ABCB8: variants seen among roughly 807,000 people sequenced by gnomAD.
ABCB8 encodes mitochondrial potassium channel ATP-binding subunit.
In ABCB8, 52 loss-of-function variants were observed where a neutral mutation model predicts 73.0. The observed-to-expected ratio is 0.71, with a 90% confidence interval of 0.57 to 0.90. ABCB8 has a LOEUF of 0.90. Ranked by LOEUF, ABCB8 falls within the 40% of genes least tolerant of loss-of-function variation. ABCB8 has a pLI of 0.00. For missense variants in ABCB8, 909 were observed against 974.6 expected (o/e 0.93, Z 0.90); for synonymous variants, 428 against 423.5 (o/e 1.01, Z -0.13).
At chr7:151,034,675 G>T (rs1584949014) in intron 4 of ABCB8, 49 bp from the exon 5 acceptor site, 10 of 1,609,768 alleles carry the variant, frequency 6.2e-6, no homozygotes, top group African/African-American at 5.3e-5. Context: ...TTATCCTGAA[G>T]TAATGTCTCC....
chr7:151,033,628 C>A lies in ABCB8; in HGVS notation c.119C>A (p.Ser40Tyr). ...AGGTACTCTGATGGCTACCGCAGCT[C>A]CTCCCTCCTCCGGGCCGTGGCCCAC... ...AVRYSDGYRS[S>Y]SLLRAVAHLR... The change falls in exon 2 of 16, where the codon TCC becomes TAC. Residue 40 changes from serine to tyrosine, a missense_variant. Transcript: ENST00000358849. 6.3e-7 allele frequency: 1 copy of A among 1,589,772 alleles called. No individual in the cohort carries two copies.
intron 9 of ABCB8, 135 bp from the exon 10 acceptor site, chr7:151,040,133 A>G (rs1796415106): frequency 2.0e-6 from 2 of 998,726 alleles, no homozygotes; most frequent in South Asian, 3.1e-5. Flanking sequence ...CTACGCCCCC[A>G]TGGTGCAGGA....
chr7:151,040,349 T>C (rs763514953), intron 10 of ABCB8, 48 bp downstream of exon 10: 3 of 1,606,064 alleles, frequency 1.9e-6, no homozygotes, highest in Admixed American at 1.7e-5. Flanking sequence ...GTTTGTGCCG[T>C]GTGTGCCGCT....
chr7:151,042,085 C>G lies in ABCB8; in HGVS notation c.1742C>G (p.Pro581Arg). 1 of 1,613,156 alleles carries G rather than the reference C, an allele frequency of 6.2e-7. No homozygotes were observed. Among genetic ancestry groups the G allele is most frequent in the South Asian group, 1.1e-5 (1 of 91,074 alleles). The change falls in exon 14 of 16, where the codon CCC becomes CGC. Residue 581 changes from proline (P) to arginine (R), a missense_variant. By Grantham distance (103) the Pro-to-Arg change is moderately radical. Coordinates refer to ENST00000358849, the MANE Select transcript of ABCB8 (RefSeq NM_007188.5). The stretch of plus-strand genomic sequence containing the variant: ...GCTCACGAGTTCATCACCAGCTTCC[C>G]CGAGGGCTACAACACGGTCGTCGGT... ...ANAHEFITSF[P>R]EGYNTVVGER...
chr7:151,034,556 A>G lies in ABCB8; in HGVS notation c.616A>G (p.Met206Val), dbSNP rs573927264. The G allele has an allele frequency of 3.4e-5, 55 of 1,613,632 alleles. No homozygotes were observed. In the East Asian group the frequency reaches 1.0e-3, roughly 31 times the overall value. The part of the protein sequence containing the change: ...LVLLSHVGER[M>V]AVDMRRALFS... ...GCTGCTGTCCCACGTTGGCGAGCGC[A>G]TGGCTGTGGACATGCGGAGGGCCCT... The change falls in exon 4 of 16, where the codon ATG becomes GTG. Residue 206 changes from methionine (M) to valine (V), a missense_variant. Met to Val is a conservative substitution (Grantham distance 21). Transcript: ENST00000358849.
In ABCB8 at chr7:151,045,414, GAGCCTACTGGGGACTGAGCCCCCAGGA is replaced by G. The variant is rs1796589124; in HGVS notation, c.*66_*92del. The G allele has an allele frequency of 7.1e-7, 1 of 1,408,412 alleles. No individual in the cohort carries two copies. The highest frequency in any genetic ancestry group is 2.8e-5 in the East Asian group (1 of 35,828). The allele number at this position is 1,408,412 out of a possible 1,614,324, so 87.2% of individuals were successfully genotyped here. ...GTTAGGGCTGGGGCTCAGCCTGGGG[GAGCCTACTGGGGACTGAGCCCCCAGGA>G]GGGCCAGCATGTGGAGAGTCGCTGC... is the stretch of plus-strand genomic sequence containing the variant. On this transcript the variant is annotated 3_prime_UTR_variant, in exon 16 of 16. Coordinates refer to ENST00000358849, the MANE Select transcript of ABCB8 (RefSeq NM_007188.5).
chr7:151,044,238 G>A lies in ABCB8; in HGVS notation c.2016+17G>A, dbSNP rs777844029. The stretch of plus-strand genomic sequence containing the variant: ...GTCTGGGAGGTTAGTTGTCCTGGGG[G>A]CGTGGATCAGTGGGTTGAGGATGGC... On this transcript the variant is annotated intron_variant, in intron 15 of 15. Coordinates refer to ENST00000358849, the MANE Select transcript of ABCB8 (RefSeq NM_007188.5). 1 of 1,592,302 alleles carries A rather than the reference G, an allele frequency of 6.3e-7. No homozygotes were observed. The highest frequency in any genetic ancestry group is 8.6e-7 in the Non-Finnish European group (1 of 1,164,638).
chr7:151,034,169 C>A (rs1278045336), intron 2 of ABCB8, 104 bp from the exon 3 acceptor site: 1 of 1,344,278 alleles, frequency 7.4e-7, no homozygotes, highest in East Asian at 2.3e-5. Context: ...CCTGGACAAG[C>A]GCAGTGCTCA....
Position 151,045,492 on chromosome 7 carries a change from G to C in ABCB8, c.*143G>C. 5.4e-6 allele frequency: 6 copies of C among 1,110,328 alleles called. No homozygotes were observed. Among genetic ancestry groups the C allele is most frequent in the Non-Finnish European group, 7.0e-6 (6 of 854,536 alleles). The allele number at this position is 1,110,328 out of a possible 1,614,324, so 68.8% of individuals were successfully genotyped here. ...GGCTGCTCCTGCTCACAATAAAGCC[G>C]GGGCCGAGCAGCTGGCAGGGGAGGC... On this transcript the variant is annotated 3_prime_UTR_variant, in exon 16 of 16. Coordinates refer to ENST00000358849, the MANE Select transcript of ABCB8 (RefSeq NM_007188.5).
rs758362569 is a variant in ABCB8 at position 151,044,055 on chromosome 7, T to C, written c.1850T>C (p.Ile617Thr). 5.0e-6 allele frequency: 8 copies of C among 1,613,598 alleles called. No homozygotes were observed. The highest frequency in any genetic ancestry group is 6.8e-6 in the Non-Finnish European group (8 of 1,179,950). The change falls in exon 15 of 16, where the codon ATA becomes ACA. Residue 617 changes from isoleucine to threonine, a missense_variant. Coordinates refer to ENST00000358849, the MANE Select transcript of ABCB8 (RefSeq NM_007188.5). ...CTTATCAAGCAGCCCACGGTGCTGA[T>C]ACTGGATGAAGCTACCAGCGCGCTG... is the stretch of plus-strand genomic sequence containing the variant. The part of the protein sequence containing the change: ...RALIKQPTVL[I>T]LDEATSALDA...
chr7:151,042,065 C>G lies in ABCB8; in HGVS notation c.1722C>G (p.His574Gln). Reference sequence around the variant, plus strand: ...CAGCCGCCCGGGAAGCGAATGCTCACGAGTTCATCACCAGCTTCCCCGAGG... The same window carrying G: ...CAGCCGCCCGGGAAGCGAATGCTCAGGAGTTCATCACCAGCTTCCCCGAGG... Reference protein sequence around the residue: ...VYTAAREANAHEFITSFPEGY... With the variant: ...VYTAAREANAQEFITSFPEGY... The change falls in exon 14 of 16, where the codon CAC becomes CAG. Residue 574 changes from histidine to glutamine, a missense_variant. His to Gln is a conservative substitution (Grantham distance 24, BLOSUM62 0). Transcript: ENST00000358849. The G allele has an allele frequency of 6.2e-7, 1 of 1,613,182 alleles. No individual in the cohort carries two copies. The highest frequency in any genetic ancestry group is 8.5e-7 in the Non-Finnish European group (1 of 1,179,986).
chr7:151,041,210 AGGTTGTCGGCTT>A lies in ABCB8; in HGVS notation c.1596_1607del (p.Gln532_Phe536delinsHis). Reference sequence around the variant, plus strand: ...CTTGACCCCTCCTGGCTCCGGGGCCAGGTTGTCGGCTTCATCAGCCAGGTGCGGGGCCACATG... The same window carrying A: ...CTTGACCCCTCCTGGCTCCGGGGCCACATCAGCCAGGTGCGGGGCCACATG... On this transcript the variant is annotated inframe_deletion, in exon 13 of 16. Coordinates refer to ENST00000358849, the MANE Select transcript of ABCB8 (RefSeq NM_007188.5). 1 of 1,604,328 alleles carries A rather than the reference AGGTTGTCGGCTT, an allele frequency of 6.2e-7. No homozygotes were observed. Among genetic ancestry groups the A allele is most frequent in the Non-Finnish European group, 8.5e-7 (1 of 1,179,286 alleles).
intron 9 of ABCB8, chr7:151,039,026 G>GA: frequency 6.6e-6 from 1 of 152,248 alleles, no homozygotes. Context: ...TGGAGATGGG[G>GA]AGGTGCCCAG....
chr7:151,041,086 C>T lies in ABCB8; in HGVS notation c.1484-13C>T, dbSNP rs1361574116. 2 of 1,613,680 alleles carry T rather than the reference C, an allele frequency of 1.2e-6. No homozygotes were observed. The highest frequency in any genetic ancestry group is 2.2e-5 in the East Asian group (1 of 44,866). On this transcript the variant is annotated splice_polypyrimidine_tract_variant and intron_variant, in intron 12 of 15. Coordinates refer to ENST00000358849, the MANE Select transcript of ABCB8 (RefSeq NM_007188.5). Reference sequence around the variant, plus strand: ...AATCCCTGGCCTCCCTCCCTCTCAACCCAATTCCCCAGGAAAGACCACCGT... The same window carrying T: ...AATCCCTGGCCTCCCTCCCTCTCAATCCAATTCCCCAGGAAAGACCACCGT...
intron 9 of ABCB8, chr7:151,037,621 G>A: frequency 2.6e-6 from 1 of 387,534 alleles, no homozygotes; most frequent in Non-Finnish European, 4.9e-6. Context: ...CACGAACCGT[G>A]CATCACCTCT....
At chr7:151,028,724 C>T in intron 1 of ABCB8, 114 bp downstream of exon 1, 1 of 1,543,400 alleles carries the variant, frequency 6.5e-7, no homozygotes, top group Non-Finnish European at 8.7e-7. Flanking sequence ...GAGCTGTAGG[C>T]CAGGCCTACC....
intron 1 of ABCB8, 193 bp downstream of exon 1, chr7:151,028,803 G>A (rs563128845): frequency 2.6e-6 from 4 of 1,552,116 alleles, no homozygotes; most frequent in Non-Finnish European, 3.5e-6. Context: ...GCCAGCAGGA[G>A]GCTCCTGCGT....
intron 9 of ABCB8, 129 bp from the exon 10 acceptor site, chr7:151,040,139 C>T: frequency 9.4e-7 from 1 of 1,062,394 alleles, no homozygotes; most frequent in Middle Eastern, 2.0e-4. Context: ...CCCCATGGTG[C>T]AGGAGCAGTC....
At chr7:151,029,508 C>CTTTTCTT (rs1563282298) in intron 1 of ABCB8, 1 of 58,330 alleles carries the variant, frequency 1.7e-5, no homozygotes, top group African/African-American at 7.8e-5. Context: ...CTTTTCTTTT[C>CTTTTCTT]TTTTTTTTTT....
Sources: gnomAD v4.1 joint callset for allele counts on GRCh38, gnomAD v4.1.1 for gene constraint, MANE v1.5 for transcripts, NCBI Gene and HGNC (gene_info 2026-07-23, HGNC 2026-07-21) for gene names.